Variants in NAALADL2 observed in about 807,000 individuals in gnomAD.
NAALADL2 encodes N-acetylated alpha-linked acidic dipeptidase like 2, also known as inactive N-acetylated-alpha-linked acidic dipeptidase-like protein 2.
Under a neutral mutation model 87.2 loss-of-function variants are expected in NAALADL2, and 76 were observed. The ratio of observed to expected loss-of-function variants is 0.87; its 90% CI spans 0.72 to 1.05. The LOEUF is 1.05. Ranked by LOEUF, NAALADL2 falls within the 50% of genes least tolerant of loss-of-function variation. The pLI is 0.00. For missense variants in NAALADL2, 1,089 were observed against 945.8 expected (o/e 1.15, Z -1.99); for synonymous variants, 354 against 331.0 (o/e 1.07, Z -0.75).
At chr3:175,524,751 AAAGT>A (rs1324701089) in intron 9 of NAALADL2, among the ~76,000 whole-genome samples, 3 of 152,306 alleles carry the variant, frequency 2.0e-5, no homozygotes, top group South Asian at 4.1e-4. Context: ...TGAATATAAT[AAAGT>A]ATTTTTCTCA....
chr3:174,995,877 A>G (rs1346229611), intron 1 of NAALADL2, among the ~76,000 whole-genome samples: 2 of 152,160 alleles, frequency 1.3e-5, no homozygotes, highest in Admixed American at 6.5e-5. Flanking sequence ...TAAGTAAACC[A>G]GAAAAGAGAC....
At chr3:175,124,886 C>T (rs911329819) in intron 2 of NAALADL2, among the ~76,000 whole-genome samples, 1 of 151,768 alleles carries the variant, frequency 6.6e-6, no homozygotes, top group African/African-American at 2.4e-5. Context: ...TTTCAATAGG[C>T]AGAAATGGGG....
At chr3:175,077,960 A>G (rs889857651) in intron 1 of NAALADL2, among the ~76,000 whole-genome samples, 6 of 151,720 alleles carry the variant, frequency 4.0e-5, no homozygotes, top group Non-Finnish European at 7.4e-5. Context: ...GCCTATATGG[A>G]CTACCTACAC....
intron 2 of NAALADL2, among the ~76,000 whole-genome samples, chr3:174,670,928 T>C (rs760993671): frequency 6.6e-5 from 10 of 152,052 alleles, no homozygotes; most frequent in Admixed American, 5.2e-4. Context: ...ACCTTTGTAC[T>C]GTCATCACAA....
At chr3:174,622,762 C>A (rs879910859) in intron 2 of NAALADL2, among the ~76,000 whole-genome samples, 4 of 152,130 alleles carry the variant, frequency 2.6e-5, no homozygotes, top group African/African-American at 7.2e-5. Flanking sequence ...GGAATCGGGC[C>A]GGGCGCGGTG....
intron 9 of NAALADL2, among the ~76,000 whole-genome samples, chr3:175,479,036 T>A (rs1480210137): frequency 5.3e-5 from 8 of 151,810 alleles, no homozygotes. Context: ...ATGAAATAAA[T>A]TTAAACAGTT....
intron 4 of NAALADL2, among the ~76,000 whole-genome samples, chr3:175,266,240 C>G (rs1412706188): frequency 6.6e-6 from 1 of 150,720 alleles, no homozygotes; most frequent in Non-Finnish European, 1.5e-5. Flanking sequence ...AATATTATAA[C>G]CATCTAACAT....
At chr3:174,750,577 G>A (rs572993373) in intron 3 of NAALADL2, among the ~76,000 whole-genome samples, 1 of 151,948 alleles carries the variant, frequency 6.6e-6, no homozygotes, top group Non-Finnish European at 1.5e-5. Flanking sequence ...GGGATTAAAG[G>A]TGTGCGCCAC....
chr3:175,281,184 A>AT (rs1251615679), intron 4 of NAALADL2, among the ~76,000 whole-genome samples: 2 of 151,360 alleles, frequency 1.3e-5, no homozygotes, highest in African/African-American at 4.8e-5. Context: ...ACATTTAGTT[A>AT]TTTTTTAGAA....
At chr3:175,412,704 GTAAAT>G (rs1406387684) in intron 5 of NAALADL2, among the ~76,000 whole-genome samples, 1 of 151,516 alleles carries the variant, frequency 6.6e-6, no homozygotes, top group African/African-American at 2.4e-5. Context: ...TCAAAAATAA[GTAAAT>G]AAAATAAGAG....
At chr3:175,197,087 A>C (rs982062781) in intron 2 of NAALADL2, among the ~76,000 whole-genome samples, 1 of 152,024 alleles carries the variant, frequency 6.6e-6, no homozygotes, top group Non-Finnish European at 1.5e-5. Context: ...GAGTAGCATT[A>C]CATTACATTT....
At chr3:174,824,258 G>A (rs1721744879) in intron 3 of NAALADL2, among the ~76,000 whole-genome samples, 1 of 152,094 alleles carries the variant, frequency 6.6e-6, no homozygotes, top group African/African-American at 2.4e-5. Context: ...TTATTAAATA[G>A]TAGATATAAG....
intron 9 of NAALADL2, among the ~76,000 whole-genome samples, chr3:175,483,960 C>A (rs1726889958): frequency 6.6e-6 from 1 of 151,948 alleles, no homozygotes; most frequent in African/African-American, 2.4e-5. Flanking sequence ...AGCAGCTAGT[C>A]CTGGAAGCAG....
chr3:175,424,631 T>A (rs562569991), intron 5 of NAALADL2, among the ~76,000 whole-genome samples: 1 of 152,196 alleles, frequency 6.6e-6, no homozygotes, highest in Admixed American at 6.6e-5. Flanking sequence ...CTGTTCTATA[T>A]CATTGGTCTA....
In NAALADL2 at chr3:175,452,848, G is replaced by A. The variant is rs1028684349; in HGVS notation, c.1234+5476G>A. ...GGATCTTAAATGGAGTGAGCGTAGG[G>A]GGGAACCTATTGTCCAAAGTCCACA... On this transcript the variant is annotated intron_variant, in intron 6 of 13. Transcript: ENST00000454872. Among the ~76,000 whole-genome samples the A allele has an allele frequency of 2.2e-4, 34 of 152,124 alleles. 1 individual carries two copies. Among genetic ancestry groups the A allele is most frequent in the African/African-American group, 7.0e-4 (29 of 41,442 alleles).
chr3:174,642,529 A>ATGT (rs1231728112), intron 2 of NAALADL2, among the ~76,000 whole-genome samples: 5 of 145,116 alleles, frequency 3.4e-5, no homozygotes, highest in African/African-American at 1.3e-4. Context: ...AAAAAAAAGC[A>ATGT]TGTTGCCACA....
At chr3:175,323,878 T>C (rs9824062) in intron 4 of NAALADL2, among the ~76,000 whole-genome samples, 98,447 of 150,302 alleles carry the variant, frequency 0.65, 34,298 homozygotes, top group African/African-American at 0.91. Flanking sequence ...ATTAGCCGGG[T>C]GTGGTGGCAG....
At chr3:174,625,415 T>G (rs1420073700) in intron 2 of NAALADL2, among the ~76,000 whole-genome samples, 1 of 152,058 alleles carries the variant, frequency 6.6e-6, no homozygotes, top group Non-Finnish European at 1.5e-5. Context: ...TACTTTTTAC[T>G]TTCTATGTTA....
intron 2 of NAALADL2, among the ~76,000 whole-genome samples, chr3:174,638,652 A>T (rs1306241994): frequency 6.6e-6 from 1 of 152,114 alleles, no homozygotes; most frequent in African/African-American, 2.4e-5. Context: ...TAAGAAGACT[A>T]AGATTTTCAG....
Sources: allele counts gnomAD v4.1 joint callset (sites outside exome capture counted in the v4.1 genomes callset), GRCh38; gene constraint gnomAD v4.1.1; transcripts MANE v1.5; gene names NCBI Gene and HGNC (gene_info 2026-07-23, HGNC 2026-07-21).